Variants in SMPD3 observed in about 807,000 individuals in gnomAD.
SMPD3 encodes the protein nSMase-2.
A neutral mutation model predicts 55.7 loss-of-function variants in SMPD3; 21 were observed. The observed-to-expected ratio is 0.38, with a 90% CI of 0.27 to 0.54. The LOEUF (loss-of-function observed/expected upper bound fraction) is 0.54, where lower values mean the gene tolerates loss of function less well. Ranked by LOEUF, SMPD3 falls within the 20% of genes least tolerant of loss-of-function variation. The probability of loss-of-function intolerance (pLI) is 0.80; values close to 1 mark genes in which losing one functional copy is unlikely to be tolerated. For missense variants in SMPD3, 842 were observed against 899.6 expected (o/e 0.94, Z 0.82); for synonymous variants, 457 against 404.3 (o/e 1.13, Z -1.56).
At chr16:68,434,868 T>C (rs2090509322) in intron 1 of SMPD3, among the ~76,000 whole-genome samples, 1 of 152,228 alleles carries the variant, frequency 6.6e-6, no homozygotes, top group Non-Finnish European at 1.5e-5. Context: ...CGACATCCTC[T>C]GCAGAGTGGT....
rs764547347 is a variant in SMPD3, at chr16:68,371,696, G to A, written c.486C>T (p.Ala162=). Residue 162 remains alanine, a synonymous_variant, in exon 3 of 9, where the codon GCC becomes GCT. Transcript: ENST00000219334. ...TGTAAATTTTGATCTGGGGCCGGGC[G>A]GCCCCATTGCGGATTCTCTGCCCGA... ...KEIGQRIRNG[A]ARPQIKIYID... 48 of 1,579,060 alleles carry A rather than the reference G, an allele frequency of 3.0e-5. No individual in the cohort carries two copies. The highest frequency in any genetic ancestry group is 7.0e-5 in the South Asian group (6 of 85,946).
intron 1 of SMPD3, among the ~76,000 whole-genome samples, chr16:68,448,147 A>T (rs1463996142): frequency 6.6e-6 from 1 of 152,126 alleles, no homozygotes; most frequent in South Asian, 2.1e-4. Context: ...CCTCATACCC[A>T]AGAGCCTTCT....
intron 1 of SMPD3, among the ~76,000 whole-genome samples, chr16:68,420,249 C>G (rs905147163): frequency 6.6e-6 from 1 of 152,106 alleles, no homozygotes; most frequent in African/African-American, 2.4e-5. Flanking sequence ...GGCCATTATT[C>G]TTATTACTAA....
intron 1 of SMPD3, among the ~76,000 whole-genome samples, chr16:68,413,840 C>T (rs1367052269): frequency 2.0e-5 from 3 of 152,174 alleles, no homozygotes; most frequent in Admixed American, 2.0e-4. Context: ...CCAGCTGCTA[C>T]ACACCAAATA....
chr16:68,439,155 G>A (rs2090547722), intron 1 of SMPD3, among the ~76,000 whole-genome samples: 1 of 152,170 alleles, frequency 6.6e-6, no homozygotes, highest in South Asian at 2.1e-4. Flanking sequence ...ATGAAGTCTG[G>A]AAAGGTTAAA....
At chr16:68,375,606 A>G (rs2089791304) in intron 2 of SMPD3, among the ~76,000 whole-genome samples, 1 of 151,940 alleles carries the variant, frequency 6.6e-6, no homozygotes, top group Admixed American at 6.6e-5. Flanking sequence ...AGATGGGGCT[A>G]TGGAGGGTGT....
rs142208278 is a variant in SMPD3 at position 68,371,366 on chromosome 16, G to A, written c.816C>T (p.Gly272=). The A allele has an allele frequency of 2.7e-4, 433 of 1,574,816 alleles. No individual in the cohort carries two copies. In the African/African-American group the frequency reaches 5.3e-3, roughly 19 times the overall value. ...TGGGCGTCTGGCCCCTTGGGCCCCC[G>A]CCAGCTCCGTTCCTGGCCTGGCCCC... ...VPGGQARNGA[G]GGPRGQTPNH... is the part of the protein sequence containing the mutation. The change falls in exon 3 of 9, where the codon GGC becomes GGT. Residue 272 remains glycine, a synonymous_variant. Coordinates refer to ENST00000219334, the MANE Select transcript of SMPD3 (RefSeq NM_018667.4).
chr16:68,434,563 C>A (rs904936844), intron 1 of SMPD3, among the ~76,000 whole-genome samples: 1 of 152,146 alleles, frequency 6.6e-6, no homozygotes, highest in Non-Finnish European at 1.5e-5. Flanking sequence ...TAATCTAGAA[C>A]CTTTGTCTTC....
At position 68,447,174 on chromosome 16, in the gene SMPD3, C is replaced by A. The variant is rs1199047807; in HGVS notation, c.-269+1179G>T. On this transcript the variant is annotated intron_variant, in intron 1 of 8. Transcript: ENST00000219334. The surrounding 1 kb of genome is among the most constrained non-coding windows in gnomAD (Gnocchi z 5.1). The stretch of plus-strand genomic sequence containing the variant: ...TTTGTCCTCTCGAGGATGCCTGGGC[C>A]GAGCGCGAAAGCCCCATGCCTTGGA... 6.6e-6 allele frequency among the ~76,000 whole-genome samples: 1 copy of A among 152,138 alleles called. No homozygotes were observed. The highest frequency in any genetic ancestry group is 1.5e-5 in the Non-Finnish European group (1 of 68,008).
chr16:68,386,689 G>C (rs952093918), intron 1 of SMPD3, 30 bp from the exon 2 acceptor site: 2 of 152,298 alleles, frequency 1.3e-5, no homozygotes, highest in African/African-American at 2.4e-5. Flanking sequence ...TCACAGGGGT[G>C]CCCGGAACAA....
At position 68,370,847 on chromosome 16, in the gene SMPD3, G is replaced by A. The variant is rs199883448; in HGVS notation, c.1323+12C>T. On this transcript the variant is annotated intron_variant, in intron 3 of 8. Coordinates refer to ENST00000219334, the MANE Select transcript of SMPD3 (RefSeq NM_018667.4). The stretch of plus-strand genomic sequence containing the variant: ...TGGCACGTGGTCCTCAGGCTGGGCC[G>A]AGGTCTCCTACCTTGAGAAACAGAG... 1.5e-5 allele frequency: 24 copies of A among 1,612,702 alleles called. No homozygotes were observed. Among genetic ancestry groups the A allele is most frequent in the East Asian group, 1.3e-4 (6 of 44,838 alleles).
At chr16:68,399,879 T>C (rs1266773578) in intron 1 of SMPD3, among the ~76,000 whole-genome samples, 1 of 152,212 alleles carries the variant, frequency 6.6e-6, no homozygotes, top group Non-Finnish European at 1.5e-5. Context: ...AAGCCCTGCC[T>C]TGTCTCAGGG....
rs541005948 is a variant in SMPD3, at chr16:68,426,709, A to T, written c.-269+21644T>A. Among the ~76,000 whole-genome samples the T allele has an allele frequency of 2.6e-5, 4 of 152,324 alleles. No homozygotes were observed. The East Asian group carries it at 7.7e-4, about 29-fold the overall frequency. On this transcript the variant is annotated intron_variant, in intron 1 of 8. Coordinates refer to ENST00000219334, the MANE Select transcript of SMPD3 (RefSeq NM_018667.4). The stretch of plus-strand genomic sequence containing the variant: ...TACATTCGTCATTGCTGTTTCTGTC[A>T]CTGCACTCATTTTCCAACCCTGACT...
chr16:68,376,395 C>T (rs892686881), intron 2 of SMPD3, among the ~76,000 whole-genome samples: 6 of 152,336 alleles, frequency 3.9e-5, no homozygotes, highest in Admixed American at 3.3e-4. Context: ...TCCATGCCCC[C>T]GCTCTCTGCT....
At chr16:68,432,335 C>T (rs4783632) in intron 1 of SMPD3, among the ~76,000 whole-genome samples, 1 of 151,852 alleles carries the variant, frequency 6.6e-6, no homozygotes, top group Non-Finnish European at 1.5e-5. Context: ...GGATAGCAAT[C>T]CAGACCTAGG....
chr16:68,414,684 G>T (rs919859596), intron 1 of SMPD3, among the ~76,000 whole-genome samples: 1 of 152,260 alleles, frequency 6.6e-6, no homozygotes, highest in African/African-American at 2.4e-5. Flanking sequence ...GGCCAACAGG[G>T]CATGGCATGA....
At chr16:68,375,116 G>A (rs916768284) in intron 2 of SMPD3, among the ~76,000 whole-genome samples, 5 of 152,086 alleles carry the variant, frequency 3.3e-5, no homozygotes, top group Non-Finnish European at 7.4e-5. Flanking sequence ...GCCTCACCCC[G>A]GCACTGCCCT....
intron 2 of SMPD3, among the ~76,000 whole-genome samples, chr16:68,372,630 C>G (rs1027041508): frequency 1.3e-5 from 2 of 152,234 alleles, no homozygotes; most frequent in Non-Finnish European, 2.9e-5. Flanking sequence ...CCCTAACTAA[C>G]CATCTTGACC....
chr16:68,411,991 C>G (rs933234564), intron 1 of SMPD3, among the ~76,000 whole-genome samples: 1 of 151,978 alleles, frequency 6.6e-6, no homozygotes, highest in Admixed American at 6.5e-5. Context: ...GGCTGGGAGG[C>G]CAGCATGCCT....
Sources: gnomAD v4.1 joint callset for allele counts (sites outside exome capture counted in the v4.1 genomes callset) on GRCh38, gnomAD v4.1.1 for gene constraint, Gnocchi (gnomAD v3.1) non-coding constraint, MANE v1.5 for transcripts, NCBI Gene and HGNC (gene_info 2026-07-23, HGNC 2026-07-21) for gene names.